Variants in ROBO1 observed in about 807,000 individuals in gnomAD.
The protein encoded by ROBO1 is roundabout guidance receptor 1.
Under a neutral mutation model 195.9 loss-of-function variants are expected in ROBO1, and 149 were observed. The ratio of observed to expected loss-of-function variants is 0.76; its 90% CI spans 0.67 to 0.87. The LOEUF (loss-of-function observed/expected upper bound fraction) is 0.87, where lower values mean the gene tolerates loss of function less well. ROBO1 is among the 40% of genes least tolerant of loss of function. The pLI is 0.00. For synonymous variants in ROBO1, 816 were observed against 733.2 expected, an observed-to-expected ratio of 1.11 and a Z score of -1.82; for missense variants, 1,933 against 2,068.3, an observed-to-expected ratio of 0.93 and a Z score of 1.27.
intron 1 of ROBO1, among the ~76,000 whole-genome samples, chr3:79,616,678 A>C (rs1337153198): frequency 6.6e-6 from 1 of 152,084 alleles, no homozygotes; most frequent in Non-Finnish European, 1.5e-5. Flanking sequence ...GTGGCTAGAA[A>C]TGGATGTGAA....
chr3:79,075,923 C>T (rs1285621350), intron 3 of ROBO1, among the ~76,000 whole-genome samples: 3 of 151,268 alleles, frequency 2.0e-5, no homozygotes, highest in Non-Finnish European at 3.0e-5. Flanking sequence ...TTACTGGAAA[C>T]ATTGTGTGAT....
chr3:78,961,462 T>C (rs2041343567), intron 3 of ROBO1, among the ~76,000 whole-genome samples: 1 of 152,200 alleles, frequency 6.6e-6, no homozygotes, highest in Admixed American at 6.5e-5. Flanking sequence ...GTAAGATTTT[T>C]TTTAAATTAT....
At chr3:79,662,796 G>A (rs977522445) in intron 1 of ROBO1, among the ~76,000 whole-genome samples, 1 of 152,006 alleles carries the variant, frequency 6.6e-6, no homozygotes, top group African/African-American at 2.4e-5. Context: ...CTGTGCCTTA[G>A]AAATGCCATG....
chr3:79,113,385 G>A (rs897364238), intron 3 of ROBO1, among the ~76,000 whole-genome samples: 1 of 151,462 alleles, frequency 6.6e-6, no homozygotes, highest in African/African-American at 2.4e-5. Context: ...CATTGAGTGA[G>A]GTTTTTTTTT....
intron 2 of ROBO1, among the ~76,000 whole-genome samples, chr3:79,225,366 C>G (rs1265168397): frequency 6.6e-6 from 1 of 152,096 alleles, no homozygotes; most frequent in African/African-American, 2.4e-5. Context: ...CCAAGATTGT[C>G]TAGTTAATGG....
At chr3:78,950,528 G>T (rs1240268421) in intron 3 of ROBO1, among the ~76,000 whole-genome samples, 3 of 97,304 alleles carry the variant, frequency 3.1e-5, no homozygotes, top group Non-Finnish European at 5.7e-5. Context: ...GGGGGAGGGG[G>T]GAGGGATAAG....
chr3:79,294,648 A>C (rs535018762), intron 2 of ROBO1, among the ~76,000 whole-genome samples: 48 of 152,168 alleles, frequency 3.2e-4, no homozygotes, highest in African/African-American at 8.9e-4. Flanking sequence ...AAACAATCAT[A>C]AGGGTGAACA....
chr3:78,883,682 G>A (rs2036321575), intron 4 of ROBO1, among the ~76,000 whole-genome samples: 1 of 152,056 alleles, frequency 6.6e-6, no homozygotes, highest in African/African-American at 2.4e-5. Flanking sequence ...TTTAAATTAT[G>A]TACTATTCTA....
intron 3 of ROBO1, among the ~76,000 whole-genome samples, chr3:78,996,328 AAAAAAAAAAAAC>A (rs1576534532): frequency 9.4e-5 from 1 of 10,670 alleles, no homozygotes; most frequent in African/African-American, 1.6e-4. Flanking sequence ...TTAAAAAAAC[AAAAAAAAAAAAC>A]AAAAAAAAAA....
At chr3:78,703,215 A>G (rs2081462645) in intron 8 of ROBO1, among the ~76,000 whole-genome samples, 1 of 152,108 alleles carries the variant, frequency 6.6e-6, no homozygotes, top group East Asian at 1.9e-4. Context: ...AAACAAAACA[A>G]AACAGCCAAG....
chr3:78,879,782 A>G (rs2036075090), intron 4 of ROBO1, among the ~76,000 whole-genome samples: 1 of 152,128 alleles, frequency 6.6e-6, no homozygotes, highest in Non-Finnish European at 1.5e-5. Context: ...CTTGATGTGC[A>G]TGCCTGCCCC....
At chr3:79,679,965 T>C (rs1946895839) in intron 1 of ROBO1, among the ~76,000 whole-genome samples, 1 of 151,880 alleles carries the variant, frequency 6.6e-6, no homozygotes, top group Non-Finnish European at 1.5e-5. Flanking sequence ...TGGGAAAAAA[T>C]AGTGAATCAG....
At chr3:78,768,878 C>G (rs1319882479) in intron 4 of ROBO1, among the ~76,000 whole-genome samples, 2 of 139,694 alleles carry the variant, frequency 1.4e-5, no homozygotes, top group East Asian at 4.3e-4. Flanking sequence ...TCTCATTGTT[C>G]AATTCCCACC....
chr3:79,007,976 T>G (rs1328964336), intron 3 of ROBO1, among the ~76,000 whole-genome samples: 1 of 152,198 alleles, frequency 6.6e-6, no homozygotes, highest in African/African-American at 2.4e-5. Context: ...CCAATAGCTG[T>G]AAAGTCTACC....
At chr3:78,627,813 A>T (rs541586444) in intron 25 of ROBO1, among the ~76,000 whole-genome samples, 1 of 152,312 alleles carries the variant, frequency 6.6e-6, no homozygotes, top group East Asian at 1.9e-4. Context: ...TGCAATAAAA[A>T]AATTCACTTA....
rs141279461 is a variant in ROBO1 at position 78,787,589 on chromosome 3, T to C, written c.500-40689A>G. 5.6e-4 allele frequency among the ~76,000 whole-genome samples: 85 copies of C among 152,316 alleles called. No homozygotes were observed. In the East Asian group the frequency reaches 0.016, roughly 28 times the overall value. ...TCAGTAAAACAAGCTATCACCTATGTGCGGGTTTTACCTATTAGACTTACA... is the reference window on the plus strand; with the variant it reads ...TCAGTAAAACAAGCTATCACCTATGCGCGGGTTTTACCTATTAGACTTACA... On this transcript the variant is annotated intron_variant, in intron 4 of 30. Coordinates refer to ENST00000464233, the MANE Select transcript of ROBO1 (RefSeq NM_002941.4).
At chr3:79,689,039 A>G (rs1362043911) in intron 1 of ROBO1, among the ~76,000 whole-genome samples, 1 of 151,928 alleles carries the variant, frequency 6.6e-6, no homozygotes, top group Non-Finnish European at 1.5e-5. Context: ...TCAAGTTTCA[A>G]TTTCCCCATT....
chr3:79,342,800 A>G (rs181725018), intron 2 of ROBO1, among the ~76,000 whole-genome samples: 72 of 152,306 alleles, frequency 4.7e-4, no homozygotes, highest in African/African-American at 1.6e-3. Flanking sequence ...CCCAGTATCA[A>G]CATCCCTTAT....
chr3:79,026,252 T>C (rs1042812138), intron 3 of ROBO1, among the ~76,000 whole-genome samples: 6 of 152,068 alleles, frequency 3.9e-5, no homozygotes, highest in Admixed American at 3.3e-4. Flanking sequence ...GGAAAAAATA[T>C]TATTCGGTCA....
Sources: gnomAD v4.1 joint callset for allele counts (sites outside exome capture counted in the v4.1 genomes callset) on GRCh38, gnomAD v4.1.1 for gene constraint, MANE v1.5 for transcripts, NCBI Gene and HGNC (gene_info 2026-07-23, HGNC 2026-07-21) for gene names.